Variants in ROBO2 observed in about 807,000 individuals in gnomAD.
ROBO2 encodes roundabout homolog 2.
A neutral mutation model predicts 160.8 loss-of-function variants in ROBO2; 53 were observed. That is an observed-to-expected ratio of 0.33 (90% CI 0.26 to 0.41). ROBO2 has a LOEUF of 0.41. Among genes scored for constraint, ROBO2 ranks in the 10% least tolerant of loss-of-function variants. The pLI is 1.00. For missense variants in ROBO2, 1,577 were observed against 1,722.4 expected, an observed-to-expected ratio of 0.92 and a Z score of 1.49; for synonymous variants, 664 against 611.7, an observed-to-expected ratio of 1.09 and a Z score of -1.26.
intron 2 of ROBO2, among the ~76,000 whole-genome samples, chr3:76,987,652 T>C (rs2060456642): frequency 6.6e-6 from 1 of 152,218 alleles, no homozygotes; most frequent in African/African-American, 2.4e-5. Context: ...AAGCCAGTGA[T>C]ATTTTATGTT....
rs1280398199 is a variant in ROBO2 at position 76,918,979 on chromosome 3, G to C, written c.110-179035G>C. The stretch of plus-strand genomic sequence containing the variant: ...CACATGTATGTCTTTTTTTTTTTTA[G>C]AAGTGTCCATTTATATCCTTTGCCA... On this transcript the variant is annotated intron_variant, in intron 2 of 26. Coordinates refer to the ROBO2 transcript ENST00000487694. Among the ~76,000 whole-genome samples the C allele has an allele frequency of 4.1e-5, 6 of 147,420 alleles. No individual in the cohort carries two copies. In the East Asian group the frequency reaches 1.2e-3, roughly 30 times the overall value.
intron 2 of ROBO2, among the ~76,000 whole-genome samples, chr3:77,023,659 G>A (rs964460699): frequency 2.0e-5 from 3 of 152,154 alleles, no homozygotes; most frequent in Non-Finnish European, 4.4e-5. Flanking sequence ...TAGTCTTGTA[G>A]TGAAAAGTAA....
intron 2 of ROBO2, among the ~76,000 whole-genome samples, chr3:77,268,772 A>G (rs1194268743): frequency 6.6e-6 from 1 of 152,196 alleles, no homozygotes; most frequent in Non-Finnish European, 1.5e-5. Flanking sequence ...GAATTTTTGT[A>G]TCTACTCCTT....
chr3:76,653,949 A>G (rs1376188315), intron 2 of ROBO2, among the ~76,000 whole-genome samples: 1 of 152,124 alleles, frequency 6.6e-6, no homozygotes, highest in Non-Finnish European at 1.5e-5. Flanking sequence ...CACTCACCAT[A>G]AATCTTTGAC....
At chr3:77,317,934 G>A (rs1031169616) in intron 2 of ROBO2, among the ~76,000 whole-genome samples, 2 of 150,964 alleles carry the variant, frequency 1.3e-5, no homozygotes. Context: ...GGGCTGCGGC[G>A]CCAAGGCAGG....
chr3:76,236,962 A>G (rs933767563), intron 2 of ROBO2, among the ~76,000 whole-genome samples: 1 of 152,142 alleles, frequency 6.6e-6, no homozygotes, highest in Admixed American at 6.5e-5. Flanking sequence ...TTAAATTACC[A>G]AAGCTAATTT....
At chr3:76,895,062 A>G (rs2074663046) in intron 2 of ROBO2, among the ~76,000 whole-genome samples, 1 of 152,118 alleles carries the variant, frequency 6.6e-6, no homozygotes, top group Non-Finnish European at 1.5e-5. Context: ...TTGAATTGAG[A>G]TATTCCTGAC....
intron 2 of ROBO2, among the ~76,000 whole-genome samples, chr3:77,324,838 T>C (rs180791776): frequency 1.3e-5 from 2 of 149,058 alleles, no homozygotes; most frequent in Non-Finnish European, 3.0e-5. Context: ...CAAAAATGAA[T>C]TTTTAAACTA....
At chr3:76,187,067 T>TAA (rs5850236) in intron 2 of ROBO2, among the ~76,000 whole-genome samples, 53 of 150,312 alleles carry the variant, frequency 3.5e-4, no homozygotes, top group Admixed American at 6.0e-4. Context: ...TTTCAAGACT[T>TAA]AAAAAAAAAA....
intron 2 of ROBO2, among the ~76,000 whole-genome samples, chr3:77,247,444 G>A (rs1300589860): frequency 2.6e-5 from 4 of 152,130 alleles, no homozygotes; most frequent in Non-Finnish European, 4.4e-5. Context: ...AAAAAAGAGC[G>A]TGTACTCTAC....
intron 1 of ROBO2, among the ~76,000 whole-genome samples, chr3:77,052,488 G>A (rs143771212): frequency 3.6e-4 from 55 of 152,260 alleles, no homozygotes; most frequent in Non-Finnish European, 6.2e-4. Context: ...TGTTTTGAAG[G>A]GGGGAAAAGG....
chr3:77,002,053 T>G (rs576877069), intron 2 of ROBO2, among the ~76,000 whole-genome samples: 69 of 152,250 alleles, frequency 4.5e-4, no homozygotes, highest in Non-Finnish European at 9.1e-4. Flanking sequence ...GAAATGTGTG[T>G]GAATCTTGTA....
In ROBO2 at chr3:76,911,167, A is replaced by G. The variant is rs149220871; in HGVS notation, c.110-186847A>G. Among the ~76,000 whole-genome samples, 270 of 152,318 alleles carry G rather than the reference A, an allele frequency of 1.8e-3. 1 individual carries two copies. The highest frequency in any genetic ancestry group is 4.2e-3 in the Admixed American group (64 of 15,304). Reference sequence around the variant, plus strand: ...TAATTTCATTTTCAGGATGAAAAACATAGTTGTGGCACACAACAAACTCCT... The same window carrying G: ...TAATTTCATTTTCAGGATGAAAAACGTAGTTGTGGCACACAACAAACTCCT... On this transcript the variant is annotated intron_variant, in intron 2 of 26. Transcript: ENST00000487694.
intron 2 of ROBO2, among the ~76,000 whole-genome samples, chr3:76,938,699 G>A (rs1296451587): frequency 6.6e-6 from 1 of 152,010 alleles, no homozygotes; most frequent in Non-Finnish European, 1.5e-5. Context: ...GCCAGGCGCG[G>A]TGGCTCACAC....
At chr3:77,020,695 G>A (rs1039252011) in intron 2 of ROBO2, among the ~76,000 whole-genome samples, 3 of 151,716 alleles carry the variant, frequency 2.0e-5, no homozygotes, top group Non-Finnish European at 2.9e-5. Flanking sequence ...TTATTTTTCA[G>A]CATTAAGTGG....
chr3:76,271,041 A>G (rs1029700162), intron 2 of ROBO2, among the ~76,000 whole-genome samples: 2 of 152,232 alleles, frequency 1.3e-5, no homozygotes, highest in Middle Eastern at 3.4e-3. Flanking sequence ...TTCTTTTAAT[A>G]CTAGCATCTT....
intron 2 of ROBO2, among the ~76,000 whole-genome samples, chr3:76,866,868 C>A (rs941206986): frequency 3.3e-5 from 5 of 152,236 alleles, no homozygotes; most frequent in African/African-American, 1.2e-4. Context: ...CACATCTCAA[C>A]CACTACCTCC....
chr3:76,877,624 AG>A (rs1247687698), intron 2 of ROBO2, among the ~76,000 whole-genome samples: 1 of 152,230 alleles, frequency 6.6e-6, no homozygotes, highest in Non-Finnish European at 1.5e-5. Context: ...GGCACACAGT[AG>A]ATAGTCTATA....
At chr3:76,837,613 T>C (rs549795908) in intron 2 of ROBO2, among the ~76,000 whole-genome samples, 2 of 152,014 alleles carry the variant, frequency 1.3e-5, no homozygotes, top group South Asian at 2.1e-4. Flanking sequence ...CATTTTATTA[T>C]GCTTGTTTTG....
Sources: gnomAD v4.1 joint callset for allele counts (sites outside exome capture counted in the v4.1 genomes callset) on GRCh38, gnomAD v4.1.1 for gene constraint, MANE v1.5 for transcripts, NCBI Gene and HGNC (gene_info 2026-07-23, HGNC 2026-07-21) for gene names.